The following PIGH variants were observed in gnomAD, a reference collection of about 807,000 sequenced individuals.
The protein encoded by PIGH is phosphatidylinositol glycan anchor biosynthesis class H, also known as phosphatidylinositol N-acetylglucosaminyltransferase subunit H.
A neutral mutation model predicts 20.1 loss-of-function variants in PIGH; 11 were observed. The ratio of observed to expected loss-of-function variants is 0.55; its 90% CI spans 0.34 to 0.91. PIGH has a LOEUF of 0.91. Among genes scored for constraint, PIGH ranks in the 40% least tolerant of loss-of-function variants. The pLI, the probability that PIGH is intolerant of heterozygous loss-of-function variation, is 0.02. For missense variants in PIGH, 189 were observed against 233.6 expected, an observed-to-expected ratio of 0.81 and a Z score of 1.24; for synonymous variants, 72 against 93.1, an observed-to-expected ratio of 0.77 and a Z score of 1.31.
intron 1 of PIGH, among the ~76,000 whole-genome samples, chr14:67,596,430 C>T (rs899113989): frequency 2.0e-5 from 3 of 150,998 alleles, no homozygotes; most frequent in Middle Eastern, 3.4e-3. Context: ...TGTGAGCCAC[C>T]GCACCCGGCA....
rs1424316401 is a variant in PIGH, at chr14:67,593,851, A to G, written c.282T>C (p.Asp94=). 6.2e-7 allele frequency: 1 copy of G among 1,612,370 alleles called. No homozygotes were observed. The highest frequency in any genetic ancestry group is 2.2e-5 in the East Asian group (1 of 44,888). The part of the protein sequence containing the change: ...KIDQETLLII[D]SLGIQMTSSY... ...ATGAAGTCATCTGAATGCCAAGGGA[A>G]TCAATGATTAACAGAGTCTCCTGAT... The change falls in exon 2 of 4, where the codon GAT becomes GAC. Residue 94 remains aspartate, a synonymous_variant. Coordinates refer to ENST00000216452, the MANE Select transcript of PIGH (RefSeq NM_004569.5).
chr14:67,599,977 G>T, intron 1 of PIGH, 47 bp downstream of exon 1: 1 of 1,494,220 alleles, frequency 6.7e-7, no homozygotes. Context: ...CCCTCCCAAA[G>T]CCGAACCCCC....
Position 67,589,960 on chromosome 14 carries a change from A to G in PIGH, c.*120T>C. On this transcript the variant is annotated 3_prime_UTR_variant, in exon 4 of 4. Transcript: ENST00000216452. ...CTGCTCTATGGCTCTAAGATGCACT[A>G]CATCCATAATGGTTCCTAGGACTGT... The G allele has an allele frequency of 1.5e-6, 2 of 1,369,682 alleles. No individual in the cohort carries two copies. Among genetic ancestry groups the G allele is most frequent in the South Asian group, 1.9e-5 (1 of 52,560 alleles). The allele number at this position is 1,369,682 out of a possible 1,614,324, so 84.8% of individuals were successfully genotyped here. A position where few individuals can be genotyped will look rare whatever the true frequency, so the allele number is the denominator to read the frequency against.
chr14:67,594,921 G>A (rs570095383), intron 1 of PIGH, among the ~76,000 whole-genome samples: 1 of 152,124 alleles, frequency 6.6e-6, no homozygotes, highest in East Asian at 1.9e-4. Flanking sequence ...AGGCCGAGGC[G>A]GGCGGATCAC....
At chr14:67,594,670 T>A (rs2036437786) in intron 1 of PIGH, among the ~76,000 whole-genome samples, 1 of 150,322 alleles carries the variant, frequency 6.7e-6, no homozygotes, top group African/African-American at 2.4e-5. Context: ...GGACCCCAAA[T>A]CTTTTCCTTT....
chr14:67,598,076 C>A (rs1193358536), intron 1 of PIGH, among the ~76,000 whole-genome samples: 2 of 152,136 alleles, frequency 1.3e-5, no homozygotes, highest in Non-Finnish European at 2.9e-5. Flanking sequence ...GTGTAGAATT[C>A]AAACAATTCA....
In PIGH at chr14:67,589,757, C is replaced by T. The variant is rs2036312901; in HGVS notation, c.*323G>A. On this transcript the variant is annotated 3_prime_UTR_variant, in exon 4 of 4. Coordinates refer to ENST00000216452, the MANE Select transcript of PIGH (RefSeq NM_004569.5). ...GTTTCCCATTGTTTTGCTTCACAAA[C>T]ATCAACAAAGTAAACCTGAACATGC... The T allele has an allele frequency of 9.7e-7, 1 of 1,035,834 alleles. No homozygotes were observed. Among genetic ancestry groups the T allele is most frequent in the African/African-American group, 1.7e-5 (1 of 59,212 alleles). 64.2% of individuals were successfully genotyped at this position (1,035,834 alleles called of 1,614,324 possible).
chr14:67,596,906 C>T (rs534848954), intron 1 of PIGH, among the ~76,000 whole-genome samples: 4 of 152,288 alleles, frequency 2.6e-5, no homozygotes, highest in Admixed American at 2.6e-4. Context: ...GTCTCTTTTC[C>T]CCTACTGTAA....
At chr14:67,599,731 GT>G (rs2036539745) in intron 1 of PIGH, among the ~76,000 whole-genome samples, 1 of 152,210 alleles carries the variant, frequency 6.6e-6, no homozygotes, top group Non-Finnish European at 1.5e-5. Flanking sequence ...ACACATGGCA[GT>G]TAAAGTTTTA....
In PIGH at chr14:67,593,888, A is replaced by T. The variant is rs2036422137; in HGVS notation, c.245T>A (p.Phe82Tyr). The T allele has an allele frequency of 6.2e-7, 1 of 1,613,468 alleles. No homozygotes were observed. ...TLLGLLGYLH[F>Y]VKIDQETLLI... The stretch of plus-strand genomic sequence containing the variant: ...CAGAGTCTCCTGATCAATCTTCACA[A>T]AATGGAGATAACCAAGCAGACCTAA... Residue 82 changes from phenylalanine (F) to tyrosine (Y), a missense_variant, in exon 2 of 4, where the codon TTT (phenylalanine) becomes TAT (tyrosine). Physicochemically the swap from Phe to Tyr is conservative, Grantham distance 22. Transcript: ENST00000216452.
Position 67,590,010 on chromosome 14 carries a change from G to A in PIGH, c.*70C>T, listed in dbSNP as rs2036320960. The A allele has an allele frequency of 6.7e-7, 1 of 1,486,464 alleles. No individual in the cohort carries two copies. Among genetic ancestry groups the A allele is most frequent in the South Asian group, 1.3e-5 (1 of 74,922 alleles). 92.1% of individuals were successfully genotyped at this position (1,486,464 alleles called of 1,614,324 possible). On this transcript the variant is annotated 3_prime_UTR_variant, in exon 4 of 4. Transcript: ENST00000216452. ...TGTCCACCTGATGGTTTGGAGTACG[G>A]AAAACCAGCCCCTATGGCTTAAGAG...
intron 1 of PIGH, among the ~76,000 whole-genome samples, chr14:67,598,713 C>CTTTT (rs10681128): frequency 0.22 from 31,745 of 144,316 alleles, 3,973 homozygotes; most frequent in Admixed American, 0.33. Flanking sequence ...TATGAACAAA[C>CTTTT]TTTTTTTTTT....
chr14:67,599,403 C>T (rs2036532486), intron 1 of PIGH, among the ~76,000 whole-genome samples: 1 of 152,094 alleles, frequency 6.6e-6, no homozygotes, highest in South Asian at 2.1e-4. Context: ...AGGAATGAAT[C>T]TGGAAATTGA....
chr14:67,599,984 C>T, intron 1 of PIGH, 40 bp downstream of exon 1: 18 of 1,514,410 alleles, frequency 1.2e-5, no homozygotes, highest in Non-Finnish European at 1.6e-5. Context: ...AAAGCCGAAC[C>T]CCCTCCTTCG....
At chr14:67,595,516 GT>G (rs2036457250) in intron 1 of PIGH, among the ~76,000 whole-genome samples, 1 of 152,232 alleles carries the variant, frequency 6.6e-6, no homozygotes, top group African/African-American at 2.4e-5. Flanking sequence ...CAATTGAACA[GT>G]GAGTGAACCA....
At chr14:67,597,675 A>G (rs1766760742) in intron 1 of PIGH, among the ~76,000 whole-genome samples, 1 of 152,204 alleles carries the variant, frequency 6.6e-6, no homozygotes, top group Non-Finnish European at 1.5e-5. Flanking sequence ...CCTGACCCTT[A>G]TAGATGTATT....
rs149801012 is a variant in PIGH at position 67,594,451 on chromosome 14, A to G, written c.181-499T>C. ...ATCACAAGGTCAAGAGATCGAGACCATCCTGGCCAACATGGTGAAACCCCA... is the reference window on the plus strand; with the variant it reads ...ATCACAAGGTCAAGAGATCGAGACCGTCCTGGCCAACATGGTGAAACCCCA... On this transcript the variant is annotated intron_variant, in intron 1 of 3. Coordinates refer to ENST00000216452, the MANE Select transcript of PIGH (RefSeq NM_004569.5). Among the ~76,000 whole-genome samples, 1,418 of 152,156 alleles carry G rather than the reference A, an allele frequency of 9.3e-3. 80 individuals carry two copies. The East Asian group carries it at 0.12, about 13-fold the overall frequency.
chr14:67,594,071 T>C, intron 1 of PIGH, 119 bp from the exon 2 acceptor site: 1 of 659,984 alleles, frequency 1.5e-6, no homozygotes, highest in Non-Finnish European at 2.7e-6. Context: ...TCTAAGGTGC[T>C]ATGAAAGTAT....
rs1325212320 is a variant in PIGH at position 67,589,359 on chromosome 14, GA to G, written c.*720del. 21 of 984,120 alleles carry G rather than the reference GA, an allele frequency of 2.1e-5. No homozygotes were observed. The highest frequency in any genetic ancestry group is 2.5e-5 in the Non-Finnish European group (21 of 828,936). The allele number at this position is 984,120 out of a possible 1,614,324, so 61.0% of individuals were successfully genotyped here. A position where few individuals can be genotyped will look rare whatever the true frequency, so the allele number is the denominator to read the frequency against. On this transcript the variant is annotated 3_prime_UTR_variant, in exon 4 of 4. Coordinates refer to ENST00000216452, the MANE Select transcript of PIGH (RefSeq NM_004569.5). Reference sequence around the variant, plus strand: ...TTGTTAACATGAGAGTCCCATGTCTGAAAACCAAAGTCCAATTTCTGTCTGG... The same window carrying G: ...TTGTTAACATGAGAGTCCCATGTCTGAAACCAAAGTCCAATTTCTGTCTGG...
Sources: gnomAD v4.1 joint callset for allele counts (sites outside exome capture counted in the v4.1 genomes callset) on GRCh38, gnomAD v4.1.1 for gene constraint, MANE v1.5 for transcripts, NCBI Gene and HGNC (gene_info 2026-07-23, HGNC 2026-07-21) for gene names.